Variants in RAB6A observed in about 807,000 individuals in gnomAD.
The protein encoded by RAB6A is RAB6A, member RAS oncogene family.
In RAB6A, 8 loss-of-function variants were observed where a neutral mutation model predicts 32.3. The observed-to-expected ratio is 0.25, with a 90% CI of 0.15 to 0.45. The LOEUF is 0.45. Ranked by LOEUF, RAB6A falls within the 20% of genes least tolerant of loss-of-function variation. The pLI is 1.00. For synonymous variants in RAB6A, 73 were observed against 82.1 expected, an observed-to-expected ratio of 0.89 and a Z score of 0.60; for missense variants, 104 against 249.4, an observed-to-expected ratio of 0.42 and a Z score of 3.93.
chr11:73,720,417 G>C (rs1312785395), intron 3 of RAB6A, among the ~76,000 whole-genome samples: 1 of 151,792 alleles, frequency 6.6e-6, no homozygotes, highest in African/African-American at 2.4e-5. Context: ...CCTGACCTCA[G>C]ATGATCCACC....
At chr11:73,754,271 G>T (rs1176412653) in intron 1 of RAB6A, among the ~76,000 whole-genome samples, 1 of 152,200 alleles carries the variant, frequency 6.6e-6, no homozygotes, top group East Asian at 1.9e-4. Context: ...ATTATAACAG[G>T]AGATACAATT....
At chr11:73,750,343 C>T (rs963705143) in intron 1 of RAB6A, among the ~76,000 whole-genome samples, 1 of 151,198 alleles carries the variant, frequency 6.6e-6, no homozygotes. Context: ...GTCAGATTTC[C>T]TTCCCTTTTT....
intron 1 of RAB6A, among the ~76,000 whole-genome samples, chr11:73,755,725 A>G (rs1214249022): frequency 6.6e-6 from 1 of 151,014 alleles, no homozygotes; most frequent in African/African-American, 2.4e-5. Context: ...GCCCCTGTGA[A>G]CAGTCACTGC....
intron 5 of RAB6A, among the ~76,000 whole-genome samples, chr11:73,710,548 C>T (rs1945940100): frequency 6.6e-6 from 1 of 151,604 alleles, no homozygotes. Context: ...ACCAGCCTGG[C>T]CAACATGATA....
chr11:73,717,755 C>T (rs1946073332), intron 4 of RAB6A, among the ~76,000 whole-genome samples: 1 of 152,202 alleles, frequency 6.6e-6, no homozygotes, highest in South Asian at 2.1e-4. Flanking sequence ...AAACCTAGCA[C>T]TTTAGAAGGC....
At chr11:73,738,560 G>A (rs192691129) in intron 1 of RAB6A, among the ~76,000 whole-genome samples, 92 of 152,284 alleles carry the variant, frequency 6.0e-4, no homozygotes, top group African/African-American at 2.1e-3. Flanking sequence ...GTTGAGGCAG[G>A]AAGATTCAAG....
chr11:73,685,724 CAA>C (rs371682393), intron 6 of RAB6A, among the ~76,000 whole-genome samples: 1 of 134,566 alleles, frequency 7.4e-6, no homozygotes. Flanking sequence ...ATTAAAAATA[CAA>C]AAAAAAAAAA....
chr11:73,740,577 A>G (rs1432389889), intron 1 of RAB6A, among the ~76,000 whole-genome samples: 1 of 150,262 alleles, frequency 6.7e-6, no homozygotes, highest in Non-Finnish European at 1.5e-5. Context: ...TGTTTCTCCT[A>G]AAGTTAATTT....
Position 73,676,048 on chromosome 11 carries a change from T to C in RAB6A, c.*1850A>G, listed in dbSNP as rs1185767311. 2 of 167,116 alleles carry C rather than the reference T, an allele frequency of 1.2e-5. No homozygotes were observed. The highest frequency in any genetic ancestry group is 2.4e-5 in the African/African-American group (1 of 41,474). 10.4% of individuals were successfully genotyped at this position (167,116 alleles called of 1,614,324 possible). A position where few individuals can be genotyped will look rare whatever the true frequency, so the allele number is the denominator to read the frequency against. On this transcript the variant is annotated 3_prime_UTR_variant, in exon 8 of 8. Coordinates refer to ENST00000336083, the MANE Select transcript of RAB6A (RefSeq NM_198896.2). Reference sequence around the variant, plus strand: ...TTACTGGTATGTGGGCTAATGATTATCTGTAAGCATTTCTCTATTCAGATC... The same window carrying C: ...TTACTGGTATGTGGGCTAATGATTACCTGTAAGCATTTCTCTATTCAGATC...
chr11:73,716,079 G>A (rs1042148117), intron 5 of RAB6A, among the ~76,000 whole-genome samples, 172 bp downstream of exon 5: 2 of 152,176 alleles, frequency 1.3e-5, no homozygotes, highest in Non-Finnish European at 2.9e-5. Flanking sequence ...CTTAAGGACT[G>A]GCTGTTTAAT....
chr11:73,710,386 C>T (rs1945937194), intron 5 of RAB6A, among the ~76,000 whole-genome samples: 1 of 151,986 alleles, frequency 6.6e-6, no homozygotes, highest in Non-Finnish European at 1.5e-5. Flanking sequence ...ATGCAGAATA[C>T]AGACAATCAT....
chr11:73,712,566 G>T (rs35427699), intron 5 of RAB6A, among the ~76,000 whole-genome samples: 5,016 of 152,024 alleles, frequency 0.033, 120 homozygotes, highest in Middle Eastern at 0.065. Context: ...GGCCAGGCTG[G>T]TCTCAAACTC....
intron 1 of RAB6A, among the ~76,000 whole-genome samples, chr11:73,759,568 G>A (rs1057368868): frequency 2.6e-5 from 4 of 152,062 alleles, no homozygotes; most frequent in Non-Finnish European, 5.9e-5. Flanking sequence ...ATTTTCCAAA[G>A]GAAATCCGAC....
rs142473612 is a variant in RAB6A at position 73,694,035 on chromosome 11, C to T, written c.495+13385G>A. On this transcript the variant is annotated intron_variant, in intron 6 of 7. Coordinates refer to ENST00000336083, the MANE Select transcript of RAB6A (RefSeq NM_198896.2). The stretch of plus-strand genomic sequence containing the variant: ...GTGGTTCTCAATACCTATGCGGTAT[C>T]AGAATTACCTGGGAAGCTTAAAAAC... 1.2e-4 allele frequency among the ~76,000 whole-genome samples: 18 copies of T among 152,226 alleles called. No homozygotes were observed. The East Asian group carries it at 3.5e-3, about 29-fold the overall frequency.
intron 6 of RAB6A, among the ~76,000 whole-genome samples, chr11:73,705,344 T>C (rs1178675454): frequency 1.3e-5 from 2 of 152,140 alleles, no homozygotes; most frequent in African/African-American, 4.8e-5. Context: ...GGCCAGGAGT[T>C]TGAGTCAAGC....
At position 73,716,380 on chromosome 11, in the gene RAB6A, A is replaced by G. The variant is rs1240327406; in HGVS notation, c.290-18T>C. On this transcript the variant is annotated intron_variant, in intron 4 of 7. Coordinates refer to ENST00000336083, the MANE Select transcript of RAB6A (RefSeq NM_198896.2). ...GTTAACATCTAGTATAGGAGGGTAG[A>G]CAGAGAGATTAGTGTTGCTGAAAAA... 3 of 1,580,780 alleles carry G rather than the reference A, an allele frequency of 1.9e-6. No individual in the cohort carries two copies. In the African/African-American group the frequency reaches 4.0e-5, roughly 21 times the overall value.
chr11:73,731,717 TATATATATATATATACACAC>T (rs1360214859), intron 1 of RAB6A, among the ~76,000 whole-genome samples: 268 of 15,120 alleles, frequency 0.018, 6 homozygotes, highest in South Asian at 0.11. Flanking sequence ...TATATATATA[TATATATATATATATACACAC>T]ACACACACAT....
chr11:73,734,742 A>T (rs7932786), intron 1 of RAB6A, among the ~76,000 whole-genome samples: 6,974 of 152,210 alleles, frequency 0.046, 192 homozygotes, highest in Middle Eastern at 0.071. Flanking sequence ...CCCACTGCTT[A>T]CCTCCTGCCG....
chr11:73,739,933 C>T (rs544605832), intron 1 of RAB6A, among the ~76,000 whole-genome samples: 16 of 152,058 alleles, frequency 1.1e-4, no homozygotes, highest in African/African-American at 3.9e-4. Context: ...GTGGCACACA[C>T]CTGTAGTCCC....
Sources: gnomAD v4.1 joint callset for allele counts (sites outside exome capture counted in the v4.1 genomes callset) on GRCh38, gnomAD v4.1.1 for gene constraint, MANE v1.5 for transcripts, NCBI Gene and HGNC (gene_info 2026-07-23, HGNC 2026-07-21) for gene names.